The following MED23 variants were observed in gnomAD, a reference collection of about 807,000 sequenced individuals.
The protein encoded by MED23 is mediator complex subunit 23.
Under a neutral mutation model 163.9 loss-of-function variants are expected in MED23, and 105 were observed. The observed-to-expected ratio is 0.64, with a 90% CI of 0.55 to 0.75. MED23 has a LOEUF of 0.75. Among genes scored for constraint, MED23 ranks in the 30% least tolerant of loss-of-function variants. The pLI is 0.00. For missense variants in MED23, 1,054 were observed against 1,649.0 expected (o/e 0.64, Z 6.25); for synonymous variants, 561 against 565.6 (o/e 0.99, Z 0.12).
Position 131,604,322 on chromosome 6 carries a change from T to C in MED23, c.1614-2A>G. 6.2e-7 allele frequency: 1 copy of C among 1,613,430 alleles called. No individual in the cohort carries two copies. The highest frequency in any genetic ancestry group is 8.5e-7 in the Non-Finnish European group (1 of 1,179,634). On this transcript the variant is annotated splice_acceptor_variant, in intron 14 of 28. Coordinates refer to ENST00000368068, the MANE Select transcript of MED23 (RefSeq NM_004830.4). LOFTEE classifies it high-confidence loss of function. ...CTGGTTGCAATGCTGTGAATAAGGC[T>C]GAGGAGAAAAAAAGGGAAGAAAATA... is the stretch of plus-strand genomic sequence containing the variant.
At chr6:131,581,299 T>A in intron 30 of MED23, 5 of 1,613,912 alleles carry the variant, frequency 3.1e-6, no homozygotes, top group Non-Finnish European at 4.2e-6. Flanking sequence ...CACACTGATA[T>A]CAACACTCCA....
At chr6:131,591,047 C>G (rs1774584617) in intron 26 of MED23, among the ~76,000 whole-genome samples, 1 of 150,540 alleles carries the variant, frequency 6.6e-6, no homozygotes. Flanking sequence ...GTGGCGCGAT[C>G]TTGGTTCACT....
intron 17 of MED23, among the ~76,000 whole-genome samples, chr6:131,601,561 T>C (rs908065898): frequency 6.6e-6 from 1 of 152,200 alleles, no homozygotes; most frequent in Non-Finnish European, 1.5e-5. Context: ...TCAAAGAACA[T>C]TCCCAATTAT....
In MED23 at chr6:131,605,565, T is replaced by C. The variant is rs1585513819; in HGVS notation, c.1368-80A>G. On this transcript the variant is annotated intron_variant, in intron 13 of 28. Transcript: ENST00000368068. ...AATTTGTATTTTTTTAAAAGTTCAA[T>C]TTTATGCAATTATTTATTAATGCTA... 9.6e-6 allele frequency: 12 copies of C among 1,251,376 alleles called. No homozygotes were observed. In the East Asian group the frequency reaches 2.5e-4, roughly 27 times the overall value. The allele number at this position is 1,251,376 out of a possible 1,614,324, so 77.5% of individuals were successfully genotyped here.
At chr6:131,577,904 CAAAA>C (rs574140142) in intron 30 of MED23, among the ~76,000 whole-genome samples, 4 of 75,032 alleles carry the variant, frequency 5.3e-5, no homozygotes, top group East Asian at 8.0e-4. Context: ...ACTCCATCTC[CAAAA>C]AAAAAAAAAA....
In MED23 at chr6:131,598,156, A is replaced by C; in HGVS notation, c.2607+131T>G. On this transcript the variant is annotated intron_variant, in intron 20 of 28. Coordinates refer to ENST00000368068, the MANE Select transcript of MED23 (RefSeq NM_004830.4). This position sits in a 1 kb window ranked among gnomAD's most constrained non-coding sequence, Gnocchi z 4.7. The stretch of plus-strand genomic sequence containing the variant: ...TGGAAAATTTCCGGCTCTTTAGGGA[A>C]GTGACAGCAATGCTTGATATAGTAT... 2 of 930,692 alleles carry C rather than the reference A, an allele frequency of 2.1e-6. No homozygotes were observed. Among genetic ancestry groups the C allele is most frequent in the Non-Finnish European group, 3.3e-6 (2 of 609,592 alleles). 57.7% of individuals were successfully genotyped at this position (930,692 alleles called of 1,614,324 possible).
intron 9 of MED23, among the ~76,000 whole-genome samples, chr6:131,618,055 A>C (rs1390046299): frequency 6.6e-6 from 1 of 152,232 alleles, no homozygotes; most frequent in Admixed American, 6.5e-5. Flanking sequence ...CACAGGTGTT[A>C]AGAGTGTAGA....
At chr6:131,611,143 T>C (rs115837338) in intron 10 of MED23, among the ~76,000 whole-genome samples, 1,852 of 152,272 alleles carry the variant, frequency 0.012, 40 homozygotes, top group African/African-American at 0.043. Flanking sequence ...ATACAATTAC[T>C]AATACAGATC....
intron 4 of MED23, among the ~76,000 whole-genome samples, chr6:131,623,837 C>G (rs2114775945): frequency 6.6e-6 from 1 of 152,306 alleles, no homozygotes; most frequent in South Asian, 2.1e-4. Context: ...GTTACCCAGT[C>G]TCGGGTATAT....
intron 10 of MED23, among the ~76,000 whole-genome samples, chr6:131,612,052 T>G (rs1585535595): frequency 6.6e-6 from 1 of 152,106 alleles, no homozygotes; most frequent in African/African-American, 2.4e-5. Flanking sequence ...CAGTTAAAGC[T>G]GATGGTCTTT....
At chr6:131,591,269 C>A (rs1054869926) in intron 26 of MED23, 44 bp downstream of exon 26, 1 of 1,477,252 alleles carries the variant, frequency 6.8e-7, no homozygotes. Context: ...TGAACCACCG[C>A]ACCCAGCCTA....
chr6:131,615,699 C>T, intron 10 of MED23: 1 of 630,944 alleles, frequency 1.6e-6, no homozygotes, highest in Non-Finnish European at 2.8e-6. Context: ...AATAAACCAA[C>T]TTTAAAAATT....
At chr6:131,616,317 G>A (rs934895255) in intron 9 of MED23, among the ~76,000 whole-genome samples, 9 of 152,122 alleles carry the variant, frequency 5.9e-5, no homozygotes, top group South Asian at 4.2e-4. Context: ...CCCTGAAAAC[G>A]CAGAAGGTTT....
Position 131,587,500 on chromosome 6 carries a change from T to C in MED23, c.*179A>G. On this transcript the variant is annotated 3_prime_UTR_variant, in exon 29 of 29. Coordinates refer to ENST00000368068, the MANE Select transcript of MED23 (RefSeq NM_004830.4). ...GATCTCTTAGAGACAAAAATATAGA[T>C]AGGGAGATGGGAGTTATAAGGTGTC... The C allele has an allele frequency of 6.9e-7, 1 of 1,439,108 alleles. No homozygotes were observed. The highest frequency in any genetic ancestry group is 2.6e-5 in the Admixed American group (1 of 38,454). The allele number at this position is 1,439,108 out of a possible 1,614,324, so 89.1% of individuals were successfully genotyped here.
chr6:131,603,441 T>C (rs1666202820), intron 15 of MED23, among the ~76,000 whole-genome samples: 1 of 152,234 alleles, frequency 6.6e-6, no homozygotes, highest in Non-Finnish European at 1.5e-5. Flanking sequence ...ATAATCATGT[T>C]TATCTGGAAA....
intron 15 of MED23, 31 bp downstream of exon 15, chr6:131,604,147 T>C (rs771283697): frequency 2.5e-5 from 41 of 1,611,938 alleles, no homozygotes; most frequent in South Asian, 5.5e-5. Context: ...AATGGGTTAA[T>C]AGTTATAAAC....
At chr6:131,596,233 GA>G in intron 21 of MED23, 70 bp from the exon 22 acceptor site, 1 of 1,360,456 alleles carries the variant, frequency 7.4e-7, no homozygotes, top group Non-Finnish European at 1.0e-6. Context: ...AGCTAAATGT[GA>G]AAACATTGTT....
chr6:131,627,025 C>A (rs964772170), intron 3 of MED23: 3 of 184,746 alleles, frequency 1.6e-5, no homozygotes, highest in African/African-American at 4.8e-5. Flanking sequence ...CAATGCTGTG[C>A]CAATTCCTTT....
At chr6:131,590,291 C>A in intron 27 of MED23, 31 bp downstream of exon 27, 3 of 1,593,964 alleles carry the variant, frequency 1.9e-6, no homozygotes, top group Non-Finnish European at 2.6e-6. Context: ...AGAATTTAAT[C>A]ATGTCACAGG....
Sources: gnomAD v4.1 joint callset for allele counts (sites outside exome capture counted in the v4.1 genomes callset) on GRCh38, gnomAD v4.1.1 for gene constraint, Gnocchi (gnomAD v3.1) non-coding constraint, MANE v1.5 for transcripts, NCBI Gene and HGNC (gene_info 2026-07-23, HGNC 2026-07-21) for gene names.